Variants in SYT1 observed in about 807,000 individuals in gnomAD.
SYT1 encodes the protein synaptotagmin 1.
A neutral mutation model predicts 44.8 loss-of-function variants in SYT1; 8 were observed. The ratio of observed to expected loss-of-function variants is 0.18; its 90% CI spans 0.10 to 0.32. The LOEUF is 0.32. Among genes scored for constraint, SYT1 ranks in the 10% least tolerant of loss-of-function variants. The pLI is 1.00. For synonymous variants in SYT1, 154 were observed against 188.8 expected (o/e 0.82, Z 1.51); for missense variants, 286 against 509.3 (o/e 0.56, Z 4.22).
intron 4 of SYT1, among the ~76,000 whole-genome samples, chr12:79,255,962 AAATT>A (rs1463848076): frequency 6.6e-6 from 1 of 152,226 alleles, no homozygotes; most frequent in African/African-American, 2.4e-5. Context: ...GTGTAATCAT[AAATT>A]AATTACCAAG....
intron 2 of SYT1, among the ~76,000 whole-genome samples, chr12:79,034,048 G>A (rs1313371337): frequency 2.0e-5 from 3 of 151,452 alleles, no homozygotes; most frequent in Admixed American, 1.3e-4. Context: ...AATTTATCCT[G>A]AAGGCAAGCC....
intron 4 of SYT1, among the ~76,000 whole-genome samples, chr12:79,231,294 CG>C (rs1415971646): frequency 6.6e-6 from 1 of 152,084 alleles, no homozygotes; most frequent in East Asian, 1.9e-4. Flanking sequence ...TCTGAGTCCA[CG>C]TGTCTCCCCA....
At position 79,405,513 on chromosome 12, in the gene SYT1, G is replaced by A. The variant is rs2052365515; in HGVS notation, c.929-38560G>A. Among the ~76,000 whole-genome samples the A allele has an allele frequency of 2.6e-5, 4 of 151,994 alleles. No homozygotes were observed. In the South Asian group the frequency reaches 8.3e-4, roughly 31 times the overall value. On this transcript the variant is annotated intron_variant, in intron 9 of 10. Transcript: ENST00000261205. ...TTTTATGACTCTTGCTATATCTCAG[G>A]AATTATACTGAAGTTTGACAAATAA...
chr12:79,414,534 G>C (rs554823427), intron 9 of SYT1, among the ~76,000 whole-genome samples: 2 of 152,022 alleles, frequency 1.3e-5, no homozygotes, highest in African/African-American at 2.4e-5. Flanking sequence ...CTCCTTTATC[G>C]CACAAAGAAG....
chr12:79,297,109 A>G (rs7963110), intron 7 of SYT1, among the ~76,000 whole-genome samples: 7,036 of 152,288 alleles, frequency 0.046, 180 homozygotes, highest in African/African-American at 0.062. Flanking sequence ...ATTGAAAATG[A>G]GGGCATGAGT....
intron 3 of SYT1, among the ~76,000 whole-genome samples, chr12:79,078,399 G>C (rs1876804711): frequency 6.6e-6 from 1 of 152,140 alleles, no homozygotes; most frequent in South Asian, 2.1e-4. Context: ...AAAGCACTTA[G>C]TTTAGTGCCT....
At chr12:78,956,197 G>A (rs780967909) in intron 1 of SYT1, among the ~76,000 whole-genome samples, 4 of 152,014 alleles carry the variant, frequency 2.6e-5, no homozygotes, top group Non-Finnish European at 4.4e-5. Context: ...GTATGGGGGG[G>A]CAGAATGTGC....
At chr12:78,899,109 A>C (rs1875518918) in intron 1 of SYT1, among the ~76,000 whole-genome samples, 1 of 152,086 alleles carries the variant, frequency 6.6e-6, no homozygotes, top group Non-Finnish European at 1.5e-5. Context: ...TGCTTATACT[A>C]TACTAATAGT....
intron 3 of SYT1, among the ~76,000 whole-genome samples, chr12:79,123,101 A>G (rs1868306616): frequency 1.3e-5 from 2 of 152,222 alleles, no homozygotes; most frequent in African/African-American, 4.8e-5. Context: ...ATCTCTTAAA[A>G]GCTTCAAACT....
intron 1 of SYT1, among the ~76,000 whole-genome samples, chr12:78,871,655 G>T (rs576197002): frequency 6.6e-6 from 1 of 152,030 alleles, no homozygotes; most frequent in East Asian, 1.9e-4. Context: ...CAGGTTTTGA[G>T]TTATCAAGAT....
chr12:79,124,393 G>T (rs1455006707), intron 3 of SYT1, among the ~76,000 whole-genome samples: 1 of 152,070 alleles, frequency 6.6e-6, no homozygotes, highest in African/African-American at 2.4e-5. Flanking sequence ...TCTGAAAAGG[G>T]ACTATGATAC....
intron 9 of SYT1, among the ~76,000 whole-genome samples, chr12:79,375,135 A>G (rs1051725712): frequency 6.6e-6 from 1 of 152,192 alleles, no homozygotes; most frequent in African/African-American, 2.4e-5. Flanking sequence ...TAAAAATGTA[A>G]ACATTTTCTT....
intron 1 of SYT1, among the ~76,000 whole-genome samples, chr12:78,875,421 C>G (rs1209380062): frequency 6.6e-6 from 1 of 151,354 alleles, no homozygotes; most frequent in Non-Finnish European, 1.5e-5. Flanking sequence ...GTAAAATAGG[C>G]TAATAAATAA....
chr12:79,362,904 A>G (rs891291491), intron 9 of SYT1, among the ~76,000 whole-genome samples: 3 of 152,198 alleles, frequency 2.0e-5, no homozygotes, highest in African/African-American at 7.2e-5. Context: ...TAGGAAATGG[A>G]ACAGATTGAA....
chr12:79,018,238 G>C (rs546429325), intron 2 of SYT1, among the ~76,000 whole-genome samples: 2 of 150,378 alleles, frequency 1.3e-5, no homozygotes, highest in African/African-American at 4.9e-5. Context: ...GCAAACTATC[G>C]CAAGGACAAA....
At chr12:79,169,295 A>C (rs568696717) in intron 3 of SYT1, among the ~76,000 whole-genome samples, 1 of 152,160 alleles carries the variant, frequency 6.6e-6, no homozygotes, top group African/African-American at 2.4e-5. Context: ...AACTGCATTA[A>C]ATGTACTACT....
chr12:78,989,327 T>C (rs555213512), intron 2 of SYT1, among the ~76,000 whole-genome samples: 1 of 151,856 alleles, frequency 6.6e-6, no homozygotes, highest in Non-Finnish European at 1.5e-5. Context: ...AAGAATACCT[T>C]ACTAAAATTT....
chr12:79,262,892 G>A (rs1877908444), intron 4 of SYT1, among the ~76,000 whole-genome samples: 2 of 152,118 alleles, frequency 1.3e-5, no homozygotes, highest in South Asian at 4.1e-4. Context: ...AGGCAAAAAA[G>A]CAGCTCACAA....
At chr12:79,145,344 C>A (rs1869811963) in intron 3 of SYT1, among the ~76,000 whole-genome samples, 1 of 151,914 alleles carries the variant, frequency 6.6e-6, no homozygotes, top group South Asian at 2.1e-4. Flanking sequence ...GAATTAACAA[C>A]CTTTGTCATT....
Sources: allele counts gnomAD v4.1 joint callset (sites outside exome capture counted in the v4.1 genomes callset), GRCh38; gene constraint gnomAD v4.1.1; transcripts MANE v1.5; gene names NCBI Gene and HGNC (gene_info 2026-07-23, HGNC 2026-07-21).